GALNT13: variants seen among roughly 807,000 people sequenced by gnomAD.
GALNT13 encodes the protein UDP-GalNAc:polypeptide N-acetylgalactosaminyltransferase 13.
Under a neutral mutation model 64.2 loss-of-function variants are expected in GALNT13, and 28 were observed. That is an observed-to-expected ratio of 0.44 (90% CI 0.32 to 0.60). The LOEUF (loss-of-function observed/expected upper bound fraction) is 0.60, where lower values mean the gene tolerates loss of function less well. Among genes scored for constraint, GALNT13 ranks in the 20% least tolerant of loss-of-function variants. The pLI, the probability that GALNT13 is intolerant of heterozygous loss-of-function variation, is 0.05. For synonymous variants in GALNT13, 214 were observed against 224.6 expected (o/e 0.95, Z 0.42); for missense variants, 577 against 669.8 (o/e 0.86, Z 1.53).
At chr2:153,337,634 G>T in the GALNT13 span, 1 of 152,136 alleles carries the variant, frequency 6.6e-6, no homozygotes. Context: ...TATAATTAAG[G>T]CATAGTGAGA....
the GALNT13 span, among the ~76,000 whole-genome samples, chr2:153,665,564 AAAGAGGAGAGTGACTCTGCTAGAAGAAG>A: frequency 6.6e-6 from 1 of 152,110 alleles, no homozygotes; most frequent in Non-Finnish European, 1.5e-5. Flanking sequence ...CAAAATATCA[AAAGAGGAGAGTGACTCTGCTAGAAGAAG>A]AATACCCATC....
chr2:153,723,417 C>T, the GALNT13 span, among the ~76,000 whole-genome samples: 6 of 149,812 alleles, frequency 4.0e-5, no homozygotes, highest in East Asian at 5.9e-4. Flanking sequence ...CCTCTCTCAC[C>T]GCTCCTATTC....
At chr2:153,712,673 T>G in the GALNT13 span, among the ~76,000 whole-genome samples, 2 of 152,188 alleles carry the variant, frequency 1.3e-5, no homozygotes, top group Non-Finnish European at 2.9e-5. Flanking sequence ...TAAATGATTA[T>G]TTTTCAAATT....
chr2:154,058,441 A>T (rs1412505090), intron 3 of GALNT13, among the ~76,000 whole-genome samples: 1 of 152,280 alleles, frequency 6.6e-6, no homozygotes, highest in Non-Finnish European at 1.5e-5. Flanking sequence ...AGTGTAATAC[A>T]GGTAGAATAT....
chr2:153,426,858 T>C, the GALNT13 span, among the ~76,000 whole-genome samples: 1 of 152,128 alleles, frequency 6.6e-6, no homozygotes, highest in Non-Finnish European at 1.5e-5. Flanking sequence ...ATTGTGAAGA[T>C]ATTGTGAAAG....
chr2:153,907,787 T>C (rs1469578238), intron 2 of GALNT13, among the ~76,000 whole-genome samples: 1 of 152,114 alleles, frequency 6.6e-6, no homozygotes, highest in African/African-American at 2.4e-5. Context: ...ATGTGCCACA[T>C]TTTCTTTATC....
the GALNT13 span, among the ~76,000 whole-genome samples, chr2:153,566,209 T>C: frequency 2.0e-5 from 3 of 152,158 alleles, no homozygotes; most frequent in African/African-American, 7.2e-5. Context: ...GGAGCTCTTA[T>C]GATATGGCAT....
the GALNT13 span, among the ~76,000 whole-genome samples, chr2:153,730,929 T>C: frequency 1.3e-5 from 2 of 151,958 alleles, no homozygotes; most frequent in African/African-American, 4.8e-5. Context: ...GGCACTGTTA[T>C]ACACTGTTGG....
At chr2:153,411,477 C>T in the GALNT13 span, among the ~76,000 whole-genome samples, 3 of 152,034 alleles carry the variant, frequency 2.0e-5, no homozygotes, top group South Asian at 2.1e-4. Flanking sequence ...CAGATAAAAT[C>T]GGGAGTAGGC....
At chr2:153,411,179 A>ATATAT in the GALNT13 span, among the ~76,000 whole-genome samples, 1 of 128,304 alleles carries the variant, frequency 7.8e-6, no homozygotes, top group East Asian at 2.1e-4. Context: ...ATATATATAT[A>ATATAT]TTTTTTTTTT....
At chr2:153,179,012 G>C in the GALNT13 span, among the ~76,000 whole-genome samples, 1 of 151,686 alleles carries the variant, frequency 6.6e-6, no homozygotes, top group African/African-American at 2.4e-5. Context: ...CAAAGTGCTG[G>C]GATTACAGGC....
At chr2:153,071,461 G>C in the GALNT13 span, among the ~76,000 whole-genome samples, 1 of 152,184 alleles carries the variant, frequency 6.6e-6, no homozygotes, top group South Asian at 2.1e-4. Context: ...TTCCTGGCAA[G>C]CATTGCACAC....
chr2:154,272,321 G>A (rs77399010), intron 8 of GALNT13, among the ~76,000 whole-genome samples: 12,559 of 151,976 alleles, frequency 0.083, 836 homozygotes, highest in East Asian at 0.35. Flanking sequence ...ATACTAAGCA[G>A]AATGTCCCTG....
chr2:154,019,691 GT>G (rs1007358198), intron 3 of GALNT13, among the ~76,000 whole-genome samples: 7 of 66,210 alleles, frequency 1.1e-4, no homozygotes, highest in South Asian at 1.0e-3. Flanking sequence ...ATGATTTTTT[GT>G]TTTTTTTGTT....
chr2:153,478,276 G>T, the GALNT13 span: 1 of 1,613,956 alleles, frequency 6.2e-7, no homozygotes, highest in South Asian at 1.1e-5. Flanking sequence ...CTCCTTAGAC[G>T]GCCTCCGGTC....
At chr2:154,032,240 C>T (rs1032580814) in intron 3 of GALNT13, among the ~76,000 whole-genome samples, 4 of 151,878 alleles carry the variant, frequency 2.6e-5, no homozygotes, top group South Asian at 4.2e-4. Context: ...ATATACAACA[C>T]GAACTTTCAC....
the GALNT13 span, among the ~76,000 whole-genome samples, chr2:153,795,807 G>A: frequency 7.9e-5 from 12 of 152,176 alleles, no homozygotes; most frequent in Admixed American, 2.6e-4. Context: ...AGCTTCATAC[G>A]TTCTCCTACT....
chr2:154,226,918 C>A (rs918383654), intron 4 of GALNT13, among the ~76,000 whole-genome samples: 1 of 152,054 alleles, frequency 6.6e-6, no homozygotes, highest in African/African-American at 2.4e-5. Context: ...ATATAGTTAA[C>A]AAAGATAGAA....
chr2:153,759,681 A>G, the GALNT13 span, among the ~76,000 whole-genome samples: 2 of 152,136 alleles, frequency 1.3e-5, no homozygotes, highest in Admixed American at 1.3e-4. Flanking sequence ...AAATGATTAA[A>G]TGATTCATTT....
Sources: allele counts gnomAD v4.1 joint callset (sites outside exome capture counted in the v4.1 genomes callset), GRCh38; gene constraint gnomAD v4.1.1; transcripts MANE v1.5; gene names NCBI Gene and HGNC (gene_info 2026-07-23, HGNC 2026-07-21).